FER1L5: variants seen among roughly 807,000 people sequenced by gnomAD.
FER1L5 encodes fer-1 like family member 5.
In FER1L5, 187 loss-of-function variants were observed where a neutral mutation model predicts 279.9. The observed-to-expected ratio is 0.67, with a 90% CI of 0.59 to 0.75. FER1L5 has a LOEUF of 0.75. FER1L5 is among the 30% of genes least tolerant of loss of function. FER1L5 has a pLI of 0.00. For missense variants in FER1L5, 2,091 were observed against 2,594.4 expected (o/e 0.81, Z 4.21); for synonymous variants, 921 against 989.7 (o/e 0.93, Z 1.30).
chr2:96,697,024 C>T (rs2077410067), intron 37 of FER1L5, among the ~76,000 whole-genome samples: 1 of 152,210 alleles, frequency 6.6e-6, no homozygotes, highest in African/African-American at 2.4e-5. Flanking sequence ...GGTTACTCAG[C>T]CTCACCTGAG....
chr2:96,691,631 G>A lies in FER1L5; in HGVS notation c.3075+19G>A. 6.6e-7 allele frequency: 1 copy of A among 1,510,954 alleles called. No homozygotes were observed. Among genetic ancestry groups the A allele is most frequent in the African/African-American group, 1.4e-5 (1 of 71,988 alleles). 93.6% of individuals were successfully genotyped at this position (1,510,954 alleles called of 1,614,324 possible). ...GTCCTTGGTAAAGCCTCACAGGCTG[G>A]GTGATGCCTGCCTGTAACCCCACCT... On this transcript the variant is annotated intron_variant, in intron 29 of 52. Transcript: ENST00000624922. The surrounding 1 kb of genome is among the most constrained non-coding windows in gnomAD (Gnocchi z 6.0).
At chr2:96,662,396 C>A in intron 13 of FER1L5, 129 bp downstream of exon 13, 3 of 844,548 alleles carry the variant, frequency 3.6e-6, no homozygotes, top group South Asian at 3.0e-5. Flanking sequence ...AAGTATGCAC[C>A]CCTGCACCTG....
At chr2:96,652,223 T>TG in intron 7 of FER1L5, 1 of 665,642 alleles carries the variant, frequency 1.5e-6, no homozygotes, top group Non-Finnish European at 2.5e-6. Flanking sequence ...GGTGGGCTGG[T>TG]GGGGGCACAA....
chr2:96,686,104 C>T lies in FER1L5; in HGVS notation c.2060C>T (p.Thr687Ile). The T allele has an allele frequency of 6.4e-7, 1 of 1,550,804 alleles. No individual in the cohort carries two copies. The highest frequency in any genetic ancestry group is 8.7e-7 in the Non-Finnish European group (1 of 1,146,542). Residue 687 changes from threonine to isoleucine, a missense_variant, in exon 22 of 53, where the codon ACC becomes ATC. Transcript: ENST00000624922. ...TAEDWLYRLN[T>I]VLPEPQMGLP... ...GAGGACTGGCTGTACCGCCTCAACA[C>T]CGTGCTCCCTGAGGTGGGTGCTGCA...
At chr2:96,654,278 G>C (rs1482472615) in intron 8 of FER1L5, 168 bp from the exon 9 acceptor site, 1 of 390,744 alleles carries the variant, frequency 2.6e-6, no homozygotes, top group Non-Finnish European at 4.5e-6. Context: ...AACCTCACAG[G>C]GTTCCTCTGA....
At chr2:96,669,562 G>T (rs1334970821) in intron 17 of FER1L5, among the ~76,000 whole-genome samples, 1 of 152,194 alleles carries the variant, frequency 6.6e-6, no homozygotes, top group East Asian at 1.9e-4. Flanking sequence ...GTTTCTGACT[G>T]TGCAAAGAGG....
At chr2:96,690,962 G>A (rs568094216) in intron 27 of FER1L5, among the ~76,000 whole-genome samples, 5 of 152,374 alleles carry the variant, frequency 3.3e-5, no homozygotes, top group South Asian at 2.1e-4. Context: ...GGCCTTGTGC[G>A]AGTCACAGGA....
At chr2:96,690,360 C>T in intron 26 of FER1L5, 127 bp from the exon 27 acceptor site, 2 of 767,030 alleles carry the variant, frequency 2.6e-6, no homozygotes, top group Non-Finnish European at 2.2e-6. Context: ...GTGGCAAGCA[C>T]AGTCTGGCCT....
intron 44 of FER1L5, 116 bp from the exon 45 acceptor site, chr2:96,700,216 C>A: frequency 6.4e-7 from 1 of 1,557,894 alleles, no homozygotes. Context: ...AAAGAGCAGC[C>A]CATCCCTTTC....
chr2:96,694,223 C>A lies in FER1L5; in HGVS notation c.3637-137C>A. ...GGCTTGGTGACGCTGGCCTGACCAG[C>A]CTCTCCCCTAAGTCCCCCTGCCAGC... On this transcript the variant is annotated intron_variant, in intron 33 of 52. Coordinates refer to ENST00000624922, the MANE Select transcript of FER1L5 (RefSeq NM_001293083.2). This position sits in a 1 kb window ranked among gnomAD's most constrained non-coding sequence, Gnocchi z 4.6. 1 of 1,319,972 alleles carries A rather than the reference C, an allele frequency of 7.6e-7. No homozygotes were observed. The highest frequency in any genetic ancestry group is 1.0e-6 in the Non-Finnish European group (1 of 987,336). The allele number at this position is 1,319,972 out of a possible 1,614,324, so 81.8% of individuals were successfully genotyped here. A position where few individuals can be genotyped will look rare whatever the true frequency, so the allele number is the denominator to read the frequency against.
chr2:96,680,472 T>C (rs576016429), intron 19 of FER1L5, among the ~76,000 whole-genome samples: 10 of 152,124 alleles, frequency 6.6e-5, no homozygotes, highest in Non-Finnish European at 1.5e-4. Flanking sequence ...ATCTCTTCCA[T>C]ATTTTTCATC....
chr2:96,700,508 G>A (rs374991242), intron 45 of FER1L5, 37 bp downstream of exon 45: 96 of 1,609,892 alleles, frequency 6.0e-5, no homozygotes, highest in African/African-American at 2.5e-4. Flanking sequence ...GCTCCTACAG[G>A]AGGAGCTAGA....
rs1474912743 is a variant in FER1L5 at position 96,647,905 on chromosome 2, G to A, written c.339+19G>A. ...CACAGATGTGAGTCAGGCCCAGGAA[G>A]GCCCAGGCAGGGTGGCTGGAGGAAT... On this transcript the variant is annotated intron_variant, in intron 4 of 52. Transcript: ENST00000624922. The A allele has an allele frequency of 5.9e-6, 9 of 1,536,330 alleles. No homozygotes were observed. The Middle Eastern group carries it at 6.7e-4, about 114-fold the overall frequency.
intron 1 of FER1L5, among the ~76,000 whole-genome samples, chr2:96,644,960 A>G (rs902991513): frequency 2.0e-5 from 3 of 152,340 alleles, no homozygotes; most frequent in Non-Finnish European, 1.5e-5. Context: ...ATCTCCCACA[A>G]AGATGCCTAA....
chr2:96,668,606 C>T, intron 14 of FER1L5, 145 bp from the exon 15 acceptor site: 2 of 938,100 alleles, frequency 2.1e-6, no homozygotes, highest in South Asian at 1.4e-5. Context: ...GTTCAAAATC[C>T]AGCTTTTCTA....
chr2:96,663,115 C>T (rs17634791), intron 13 of FER1L5, among the ~76,000 whole-genome samples: 105,809 of 152,190 alleles, frequency 0.7, 37,389 homozygotes, highest in South Asian at 0.84. Flanking sequence ...TTTGGGATCT[C>T]AGAATTTATC....
chr2:96,645,483 A>C (rs962427011), intron 1 of FER1L5, among the ~76,000 whole-genome samples: 2 of 152,168 alleles, frequency 1.3e-5, no homozygotes, highest in East Asian at 3.9e-4. Context: ...AAGACACTGA[A>C]AACTCTGGAA....
At chr2:96,649,226 G>A (rs1448476440) in intron 4 of FER1L5, among the ~76,000 whole-genome samples, 1 of 152,054 alleles carries the variant, frequency 6.6e-6, no homozygotes, top group Admixed American at 6.6e-5. Context: ...ATGAAGGAAG[G>A]AGCTCAGTTA....
At chr2:96,677,420 C>T (rs546349057) in intron 19 of FER1L5, among the ~76,000 whole-genome samples, 8 of 152,252 alleles carry the variant, frequency 5.3e-5, no homozygotes, top group South Asian at 2.1e-4. Flanking sequence ...CTTCACTTGG[C>T]GTAATGTTTT....
Sources: allele counts gnomAD v4.1 joint callset (sites outside exome capture counted in the v4.1 genomes callset), GRCh38; gene constraint gnomAD v4.1.1; non-coding constraint Gnocchi (gnomAD v3.1); transcripts MANE v1.5; gene names NCBI Gene and HGNC (gene_info 2026-07-23, HGNC 2026-07-21).